GRIN2B: variants seen among roughly 807,000 people sequenced by gnomAD.
GRIN2B encodes glutamate ionotropic receptor NMDA type subunit 2B, also known as glutamate receptor ionotropic, NMDA 2B.
In GRIN2B, 5 loss-of-function variants were observed where a neutral mutation model predicts 114.5. The ratio of observed to expected loss-of-function variants is 0.04; its 90% CI spans 0.02 to 0.09. The LOEUF is 0.09. Among genes scored for constraint, GRIN2B ranks in the 10% least tolerant of loss-of-function variants. GRIN2B has a pLI of 1.00. For missense variants in GRIN2B, 1,108 were observed against 1,943.5 expected (o/e 0.57, Z 8.08); for synonymous variants, 787 against 745.1 (o/e 1.06, Z -0.92).
chr12:13,547,893 C>G lies in GRIN2B; in HGVS notation c.*14890G>C, dbSNP rs1948362460. ...CATCTTCTAACTTCCACCCAGATATCTGGCTTCTGTCAATAGGCCTTACCC... is the reference window on the plus strand; with the variant it reads ...CATCTTCTAACTTCCACCCAGATATGTGGCTTCTGTCAATAGGCCTTACCC... On this transcript the variant is annotated 3_prime_UTR_variant, in exon 14 of 14. Transcript: ENST00000609686. The G allele has an allele frequency of 1.3e-5, 2 of 149,684 alleles. No homozygotes were observed. The highest frequency in any genetic ancestry group is 4.2e-4 in the South Asian group (2 of 4,726). 9.3% of individuals were successfully genotyped at this position (149,684 alleles called of 1,614,324 possible).
chr12:13,638,948 G>C (rs1190407488), intron 5 of GRIN2B, among the ~76,000 whole-genome samples: 1 of 151,986 alleles, frequency 6.6e-6, no homozygotes, highest in African/African-American at 2.4e-5. Flanking sequence ...TTGCACGTTT[G>C]TTGTACCTCA....
Position 13,865,876 on chromosome 12 carries a change from G to A in GRIN2B, c.333C>T (p.Ile111=). 1 of 1,614,032 alleles carries A rather than the reference G, an allele frequency of 6.2e-7. No homozygotes were observed. Among genetic ancestry groups the A allele is most frequent in the Admixed American group, 1.7e-5 (1 of 60,016 alleles). Residue 111 remains isoleucine, a synonymous_variant, in exon 3 of 14, where the codon ATC becomes ATT. Transcript: ENST00000609686. The part of the protein sequence containing the change: ...DDTDQEAIAQ[I]LDFISAQTLT... ...GAGTCTGTGCTGAAATGAAATCGAG[G>A]ATCTGGGCGATGGCTTCCTGGTCTG...
chr12:13,599,363 C>T (rs1949122851), intron 10 of GRIN2B, among the ~76,000 whole-genome samples: 1 of 152,138 alleles, frequency 6.6e-6, no homozygotes, highest in Non-Finnish European at 1.5e-5. Flanking sequence ...CAGCTGGAGG[C>T]AACAAGGCTG....
rs897511296 is a variant in GRIN2B, at chr12:13,701,523, A to G, written c.1011-25664T>C. Among the ~76,000 whole-genome samples the G allele has an allele frequency of 2.1e-4, 32 of 152,022 alleles. 1 individual carries two copies. The South Asian group carries it at 5.0e-3, about 24-fold the overall frequency. ...AGGGATTCAGTGGCACAAAAAAAAAAAAAAAAGAAAAAAAAACAGACAGTT... is the reference window on the plus strand; with the variant it reads ...AGGGATTCAGTGGCACAAAAAAAAAGAAAAAAGAAAAAAAAACAGACAGTT... On this transcript the variant is annotated intron_variant, in intron 4 of 13. Transcript: ENST00000609686.
intron 2 of GRIN2B, among the ~76,000 whole-genome samples, chr12:13,938,179 C>A (rs1328022328): frequency 1.3e-5 from 2 of 151,928 alleles, no homozygotes; most frequent in African/African-American, 4.8e-5. Flanking sequence ...TCAGAAATCA[C>A]AAATGAAATC....
rs142433992 is a variant in GRIN2B, at chr12:13,868,602, C to CT, written c.-18-2377dup. On this transcript the variant is annotated intron_variant, in intron 2 of 13. Coordinates refer to ENST00000609686, the MANE Select transcript of GRIN2B (RefSeq NM_000834.5). ...AGTTACAAGTCACTAAATTAGTTTC[C>CT]TTCACGTTTAAAAGTGGCCCACTCT... Among the ~76,000 whole-genome samples the CT allele has an allele frequency of 5.1e-4, 78 of 152,270 alleles. No homozygotes were observed. In the East Asian group the frequency reaches 0.013, roughly 25 times the overall value.
At chr12:13,697,464 T>C (rs1044375995) in intron 4 of GRIN2B, among the ~76,000 whole-genome samples, 2 of 152,146 alleles carry the variant, frequency 1.3e-5, no homozygotes, top group African/African-American at 4.8e-5. Flanking sequence ...TCCCCTTGTA[T>C]TCTTATCCCC....
chr12:13,765,802 C>A (rs1055582198), intron 3 of GRIN2B, among the ~76,000 whole-genome samples: 1 of 152,180 alleles, frequency 6.6e-6, no homozygotes, highest in Admixed American at 6.5e-5. Flanking sequence ...CCAGGGTAAC[C>A]GCTGGAAAGA....
intron 3 of GRIN2B, among the ~76,000 whole-genome samples, chr12:13,785,582 CTCAT>C (rs1864210701): frequency 1.3e-5 from 2 of 152,138 alleles, no homozygotes; most frequent in Admixed American, 6.5e-5. Flanking sequence ...TCACCAAAGT[CTCAT>C]TCAAAGCCTC....
intron 5 of GRIN2B, among the ~76,000 whole-genome samples, chr12:13,664,798 A>C (rs1949958161): frequency 6.6e-6 from 1 of 152,158 alleles, no homozygotes; most frequent in Non-Finnish European, 1.5e-5. Flanking sequence ...GTTTCAAATA[A>C]AGCAGTTAAA....
chr12:13,942,316 A>C (rs1434501181), intron 2 of GRIN2B, among the ~76,000 whole-genome samples: 1 of 113,160 alleles, frequency 8.8e-6, no homozygotes, highest in African/African-American at 3.3e-5. Context: ...TGTTCTAGGC[A>C]ATTCTGGGTC....
intron 3 of GRIN2B, among the ~76,000 whole-genome samples, chr12:13,784,568 G>T (rs919402481): frequency 6.6e-6 from 1 of 151,956 alleles, no homozygotes; most frequent in Admixed American, 6.6e-5. Flanking sequence ...CCACCCCCCT[G>T]CCCCCTTGAA....
rs754896277 is a variant in GRIN2B at position 13,564,258 on chromosome 12, T to C, written c.2980A>G (p.Ile994Val). ...CCATCGATGGAGCTGGCACTGCCAA[T>C]ACTATGGGGCCGGTGGTGATGGTGG... ...HYHHHHRPHSIGSASSIDGLY... is the reference protein window; with the variant it reads ...HYHHHHRPHSVGSASSIDGLY... The change falls in exon 14 of 14, where the codon ATT (isoleucine) becomes GTT (valine). Residue 994 changes from isoleucine to valine, a missense_variant. Around this residue, in one of 19 missense-constraint regions of GRIN2B, gnomAD observed 140 missense variants for 187.5 expected, o/e 0.75. Coordinates refer to ENST00000609686, the MANE Select transcript of GRIN2B (RefSeq NM_000834.5). This position sits in a 1 kb window ranked among gnomAD's most constrained non-coding sequence, Gnocchi z 4.8. The C allele has an allele frequency of 6.2e-7, 1 of 1,614,146 alleles. No individual in the cohort carries two copies. Among genetic ancestry groups the C allele is most frequent in the East Asian group, 2.2e-5 (1 of 44,866 alleles).
At chr12:13,725,327 T>A in intron 4 of GRIN2B, among the ~76,000 whole-genome samples, 1 of 151,960 alleles carries the variant, frequency 6.6e-6, no homozygotes. Flanking sequence ...TGGAGGAGGA[T>A]GTGCAGGTAA....
chr12:13,718,199 T>G (rs779846102), intron 4 of GRIN2B, among the ~76,000 whole-genome samples: 5 of 152,008 alleles, frequency 3.3e-5, no homozygotes, highest in Non-Finnish European at 7.4e-5. Context: ...CTGCTGCAGC[T>G]CCCATGTAAT....
chr12:13,915,130 T>A (rs1565585168), intron 2 of GRIN2B, among the ~76,000 whole-genome samples: 1 of 152,238 alleles, frequency 6.6e-6, no homozygotes, highest in Admixed American at 6.5e-5. Context: ...TTTATCTTTA[T>A]GCATTATATG....
intron 4 of GRIN2B, among the ~76,000 whole-genome samples, chr12:13,714,167 G>A (rs1950436901): frequency 6.6e-6 from 1 of 151,738 alleles, no homozygotes; most frequent in Non-Finnish European, 1.5e-5. Context: ...CACCACTCCT[G>A]ATGGATTGGA....
intron 12 of GRIN2B, 21 bp from the exon 13 acceptor site, chr12:13,567,284 G>T: frequency 6.4e-7 from 1 of 1,551,344 alleles, no homozygotes; most frequent in Non-Finnish European, 8.9e-7. Context: ...GACAGAGAAG[G>T]AAAATGGATA....
chr12:13,613,625 T>G (rs1355577948), intron 8 of GRIN2B, among the ~76,000 whole-genome samples: 1 of 152,146 alleles, frequency 6.6e-6, no homozygotes, highest in Non-Finnish European at 1.5e-5. Context: ...AAGGCTACCA[T>G]AGCTGGATTT....
Sources: gnomAD v4.1 joint callset for allele counts (sites outside exome capture counted in the v4.1 genomes callset) on GRCh38, gnomAD v4.1.1 for gene constraint, gnomAD v4.1.1 regional missense constraint, Gnocchi (gnomAD v3.1) non-coding constraint, MANE v1.5 for transcripts, NCBI Gene and HGNC (gene_info 2026-07-23, HGNC 2026-07-21) for gene names.